Variants in CAPN14 observed in about 807,000 individuals in gnomAD.
CAPN14 encodes the protein calpain-14.
A neutral mutation model predicts 101.3 loss-of-function variants in CAPN14; 94 were observed. That is an observed-to-expected ratio of 0.93 (90% CI 0.79 to 1.10). The LOEUF (loss-of-function observed/expected upper bound fraction) is 1.10, where lower values mean the gene tolerates loss of function less well. CAPN14 is among the 50% of genes least tolerant of loss of function. CAPN14 has a pLI of 0.00. For synonymous variants in CAPN14, 338 were observed against 317.9 expected (o/e 1.06, Z -0.67); for missense variants, 837 against 828.4 (o/e 1.01, Z -0.13).
chr2:31,229,359 A>G (rs1359767586), intron 1 of CAPN14, among the ~76,000 whole-genome samples: 1 of 152,100 alleles, frequency 6.6e-6, no homozygotes, highest in African/African-American at 2.4e-5. Context: ...TTTGTCTTGA[A>G]CCACAGTTAT....
chr2:31,194,522 A>G (rs994408576), intron 8 of CAPN14, 39 bp from the exon 9 acceptor site: 13 of 1,408,602 alleles, frequency 9.2e-6, no homozygotes, highest in Non-Finnish European at 1.3e-5. Flanking sequence ...TGTGGGGAGC[A>G]TGCTAGAAAT....
chr2:31,217,885 G>A (rs568554005), upstream of CAPN14, among the ~76,000 whole-genome samples: 11 of 152,150 alleles, frequency 7.2e-5, no homozygotes, highest in African/African-American at 2.4e-4. Flanking sequence ...AGAGATTCCT[G>A]TACATCCCTA....
chr2:31,189,490 G>A lies in CAPN14; in HGVS notation c.1288-12C>T. 1.3e-6 allele frequency: 2 copies of A among 1,547,974 alleles called. No homozygotes were observed. The highest frequency in any genetic ancestry group is 2.4e-5 in the South Asian group (2 of 83,976). ...TGGTCATCATGGTACTGTGGGTAGA[G>A]GACAGAAGAACAGCAAGGGAGGTGA... On this transcript the variant is annotated splice_polypyrimidine_tract_variant and intron_variant, in intron 12 of 21. Transcript: ENST00000403897.
At chr2:31,191,433 A>G in intron 11 of CAPN14, 26 bp from the exon 12 acceptor site, 2 of 1,505,738 alleles carry the variant, frequency 1.3e-6, no homozygotes, top group African/African-American at 1.4e-5. Flanking sequence ...AAAAACAGAA[A>G]AAAAAAAAAA....
chr2:31,181,180 T>C (rs990551430), intron 16 of CAPN14, among the ~76,000 whole-genome samples, 180 bp from the exon 17 acceptor site: 2 of 152,048 alleles, frequency 1.3e-5, no homozygotes, highest in Admixed American at 6.5e-5. Flanking sequence ...TTCCTACCCA[T>C]GGAGAAAGTC....
Position 31,177,112 on chromosome 2 carries a change from A to G in CAPN14, c.1886T>C (p.Leu629Pro). 6.4e-7 allele frequency: 1 copy of G among 1,551,282 alleles called. No individual in the cohort carries two copies. The highest frequency in any genetic ancestry group is 8.7e-7 in the Non-Finnish European group (1 of 1,146,690). ...GIMLSDDVCQ[L>P]MLIRYGGPRL... ...GGGGCCGCCGTAGCGGATGAGCATC[A>G]GCTGACAGACGTCATCACTGAGCAT... is the stretch of plus-strand genomic sequence containing the variant. Residue 629 changes from leucine to proline, a missense_variant, in exon 20 of 22, where the codon CTG (leucine) becomes CCG (proline). Leu to Pro is a moderately conservative substitution (Grantham distance 98, BLOSUM62 -3). Transcript: ENST00000403897.
chr2:31,215,270 CT>C lies in CAPN14; in HGVS notation c.-53+2185del, dbSNP rs56002934. 1.8e-3 allele frequency among the ~76,000 whole-genome samples: 275 copies of C among 149,488 alleles called. 2 individuals are homozygous for C. Among genetic ancestry groups the C allele is most frequent in the African/African-American group, 6.0e-3 (246 of 40,748 alleles). ...TTTTAAAGCAGATGTAAATTCATTC[CT>C]TTTTTTTTTTGCAGGGGCATTTGCA... is the stretch of plus-strand genomic sequence containing the variant. On this transcript the variant is annotated intron_variant, in intron 1 of 21. Transcript: ENST00000403897.
At chr2:31,191,804 A>T (rs1681194860) in intron 11 of CAPN14, 131 bp downstream of exon 11, 2 of 831,850 alleles carry the variant, frequency 2.4e-6, no homozygotes, top group Non-Finnish European at 3.7e-6. Flanking sequence ...TAAAGGACAG[A>T]GCCTGGATTT....
chr2:31,182,419 T>C (rs1680693756), intron 16 of CAPN14, among the ~76,000 whole-genome samples: 1 of 145,260 alleles, frequency 6.9e-6, no homozygotes, highest in African/African-American at 2.7e-5. Context: ...ATGACATGAT[T>C]GTATATCTAG....
At chr2:31,188,801 A>G (rs1031947528) in intron 13 of CAPN14, among the ~76,000 whole-genome samples, 1 of 152,220 alleles carries the variant, frequency 6.6e-6, no homozygotes, top group African/African-American at 2.4e-5. Context: ...CTGCTAGTTC[A>G]TGACAGCCTC....
chr2:31,221,844 G>T (rs1198732587), upstream of CAPN14, among the ~76,000 whole-genome samples: 1 of 152,176 alleles, frequency 6.6e-6, no homozygotes, highest in African/African-American at 2.4e-5. Context: ...TGCAAGAAAA[G>T]AGGGACAAAG....
At chr2:31,195,260 T>C (rs12104508) in intron 8 of CAPN14, among the ~76,000 whole-genome samples, 30,342 of 152,166 alleles carry the variant, frequency 0.2, 3,368 homozygotes, top group East Asian at 0.37. Flanking sequence ...CGAAACTCCC[T>C]AAGACTGGAC....
intron 2 of CAPN14, among the ~76,000 whole-genome samples, chr2:31,225,345 A>G (rs973496653): frequency 6.6e-6 from 1 of 152,072 alleles, no homozygotes; most frequent in Non-Finnish European, 1.5e-5. Flanking sequence ...ATATTTTAAA[A>G]TAATAACATA....
chr2:31,177,792 T>TG lies in CAPN14; in HGVS notation c.1808dup (p.Gly604ArgfsTer21). 6.4e-7 allele frequency: 1 copy of TG among 1,552,058 alleles called. No individual in the cohort carries two copies. The highest frequency in any genetic ancestry group is 1.2e-5 in the South Asian group (1 of 84,064). On this transcript the variant is annotated frameshift_variant, in exon 19 of 22. Coordinates refer to ENST00000403897, the MANE Select transcript of CAPN14 (RefSeq NM_001145122.2). LOFTEE classifies it high-confidence loss of function. ...GCAGCTGCTCCCAGTTCAGGTATCC[T>TG]GACCCACGGTCTTGCTTGTGGAAAA... is the stretch of plus-strand genomic sequence containing the variant.
intron 17 of CAPN14, among the ~76,000 whole-genome samples, chr2:31,179,063 TATATATATATATATATA>T (rs1680457113): frequency 7.2e-6 from 1 of 138,138 alleles, no homozygotes; most frequent in Admixed American, 7.2e-5. Flanking sequence ...TTGAGTTCTA[TATATATATATATATATA>T]TATATATATA....
Position 31,178,504 on chromosome 2 carries a change from T to A in CAPN14, c.1779+7A>T. On this transcript the variant is annotated splice_region_variant and intron_variant, in intron 18 of 21. Transcript: ENST00000403897. ...TCCAAAGAGGTGTGGTTAAGACTTGTTCTTACCTGAGAGAGCTTCAGCTGC... is the reference window on the plus strand; with the variant it reads ...TCCAAAGAGGTGTGGTTAAGACTTGATCTTACCTGAGAGAGCTTCAGCTGC... The A allele has an allele frequency of 6.5e-7, 1 of 1,550,008 alleles. No homozygotes were observed. Among genetic ancestry groups the A allele is most frequent in the Non-Finnish European group, 8.7e-7 (1 of 1,145,536 alleles).
intron 1 of CAPN14, among the ~76,000 whole-genome samples, chr2:31,205,725 C>G (rs867198876): frequency 2.0e-4 from 31 of 152,228 alleles, no homozygotes; most frequent in African/African-American, 7.5e-4. Flanking sequence ...CAAAAGCCTA[C>G]AGAAGGGAAA....
At position 31,203,069 on chromosome 2, in the gene CAPN14, C is replaced by G. The variant is rs1415692355; in HGVS notation, c.295+1G>C. The G allele has an allele frequency of 6.4e-7, 1 of 1,551,302 alleles. No homozygotes were observed. Among genetic ancestry groups the G allele is most frequent in the African/African-American group, 1.4e-5 (1 of 73,036 alleles). On this transcript the variant is annotated splice_donor_variant, in intron 3 of 21. Transcript: ENST00000403897. LOFTEE classifies it high-confidence loss of function. ...TGTCTCTCGGGGCTGTGCAAACTTA[C>G]CTACTATCCCCTGGCACAGATCCAG...
chr2:31,211,489 C>A (rs1312313208), intron 1 of CAPN14, among the ~76,000 whole-genome samples: 3 of 152,040 alleles, frequency 2.0e-5, no homozygotes, highest in African/African-American at 7.2e-5. Context: ...AAAATCTATT[C>A]TTCATAGCGA....
Sources: allele counts gnomAD v4.1 joint callset (sites outside exome capture counted in the v4.1 genomes callset), GRCh38; gene constraint gnomAD v4.1.1; transcripts MANE v1.5; gene names NCBI Gene and HGNC (gene_info 2026-07-23, HGNC 2026-07-21).